FOXO1: variants seen among roughly 807,000 people sequenced by gnomAD.
The protein encoded by FOXO1 is forkhead box O1.
In FOXO1, 6 loss-of-function variants were observed where a neutral mutation model predicts 44.1. The ratio of observed to expected loss-of-function variants is 0.14; its 90% CI spans 0.07 to 0.27. The LOEUF (loss-of-function observed/expected upper bound fraction) is 0.27. FOXO1 is among the 10% of genes least tolerant of loss of function. The probability of loss-of-function intolerance (pLI) is 1.00; values close to 1 mark genes in which losing one functional copy is unlikely to be tolerated. For synonymous variants in FOXO1, 380 were observed against 362.7 expected (o/e 1.05, Z -0.54); for missense variants, 737 against 888.8 (o/e 0.83, Z 2.17).
At chr13:40,582,651 C>T (rs1050462023) in intron 1 of FOXO1, among the ~76,000 whole-genome samples, 8 of 152,168 alleles carry the variant, frequency 5.3e-5, no homozygotes, top group Non-Finnish European at 1.0e-4. Context: ...TTTGCTCATC[C>T]GTAAGAAGCA....
At chr13:40,618,591 C>T in intron 1 of FOXO1, 1 of 300,178 alleles carries the variant, frequency 3.3e-6, no homozygotes, top group Non-Finnish European at 6.5e-6. Flanking sequence ...GTAGTTAAAA[C>T]TAAGAACCCT....
At chr13:40,594,529 A>G (rs1274686976) in intron 1 of FOXO1, among the ~76,000 whole-genome samples, 1 of 152,210 alleles carries the variant, frequency 6.6e-6, no homozygotes, top group African/African-American at 2.4e-5. Context: ...TTAATTAACA[A>G]AAACAAACGT....
chr13:40,620,296 G>C (rs1369915799), intron 1 of FOXO1: 3 of 1,019,768 alleles, frequency 2.9e-6, no homozygotes, highest in Admixed American at 3.4e-5. Context: ...AACTCATCCA[G>C]AGTAGGGCTA....
intron 1 of FOXO1, among the ~76,000 whole-genome samples, chr13:40,616,299 C>T (rs988387352): frequency 6.6e-5 from 10 of 151,280 alleles, no homozygotes; most frequent in African/African-American, 2.2e-4. Context: ...AATTAAAACG[C>T]AAAAAAAGAA....
chr13:40,643,361 A>G (rs1877414612), intron 1 of FOXO1, among the ~76,000 whole-genome samples: 1 of 151,868 alleles, frequency 6.6e-6, no homozygotes. Context: ...AAAAAAAAAA[A>G]AAGAAAAGAA....
chr13:40,621,154 A>T, intron 1 of FOXO1: 1 of 486,844 alleles, frequency 2.1e-6, no homozygotes, highest in South Asian at 2.1e-5. Flanking sequence ...GCGCTAGAGC[A>T]TAACAGTATT....
At chr13:40,608,786 T>C (rs1302045284) in intron 1 of FOXO1, among the ~76,000 whole-genome samples, 2 of 152,214 alleles carry the variant, frequency 1.3e-5, no homozygotes, top group Admixed American at 1.3e-4. Context: ...TGGCAACAAA[T>C]GTTATCCTTT....
At chr13:40,663,800 TG>T (rs1401974635) in intron 1 of FOXO1, among the ~76,000 whole-genome samples, 1 of 152,228 alleles carries the variant, frequency 6.6e-6, no homozygotes, top group Non-Finnish European at 1.5e-5. Flanking sequence ...AAATGAATCT[TG>T]AATTCCTTCT....
intron 1 of FOXO1, among the ~76,000 whole-genome samples, chr13:40,572,497 G>GC (rs1176519561): frequency 6.6e-6 from 1 of 152,164 alleles, no homozygotes; most frequent in Non-Finnish European, 1.5e-5. Flanking sequence ...TACACTACCT[G>GC]CAATGTTGGG....
chr13:40,558,917 T>G lies in FOXO1; in HGVS notation c.*132A>C. 5.5e-6 allele frequency: 2 copies of G among 365,758 alleles called. No homozygotes were observed. Among genetic ancestry groups the G allele is most frequent in the Non-Finnish European group, 9.4e-6 (2 of 213,850 alleles). 22.7% of individuals were successfully genotyped at this position (365,758 alleles called of 1,614,324 possible). ...TCTGACGAAAGGAAAAAAGGAGGGT[T>G]TTTTTTTTTGTTTTTTTTTTTAACC... On this transcript the variant is annotated 3_prime_UTR_variant, in exon 3 of 3. Transcript: ENST00000379561.
intron 1 of FOXO1, among the ~76,000 whole-genome samples, chr13:40,649,867 C>T (rs1365514859): frequency 1.3e-5 from 2 of 152,132 alleles, no homozygotes; most frequent in Non-Finnish European, 2.9e-5. Flanking sequence ...ATAAAGCAAT[C>T]ACACCAAAGA....
intron 1 of FOXO1, among the ~76,000 whole-genome samples, chr13:40,585,257 A>T (rs1420009162): frequency 1.3e-5 from 2 of 152,152 alleles, no homozygotes; most frequent in Non-Finnish European, 2.9e-5. Context: ...TAAGAGAATA[A>T]GGAATGTCAA....
chr13:40,657,984 A>C (rs1262211781), intron 1 of FOXO1, among the ~76,000 whole-genome samples: 1 of 152,238 alleles, frequency 6.6e-6, no homozygotes, highest in East Asian at 1.9e-4. Context: ...ATCAAGAAAG[A>C]ATTTTTTTCC....
rs146985523 is a variant in FOXO1 at position 40,660,641 on chromosome 13, T to C, written c.630+4942A>G. On this transcript the variant is annotated intron_variant, in intron 1 of 2. Coordinates refer to ENST00000379561, the MANE Select transcript of FOXO1 (RefSeq NM_002015.4). ...GTATCGCCTCGGAGAAGATTCCTTG[T>C]GTGTGCGGAGCATGAAATCTATGTG... Among the ~76,000 whole-genome samples the C allele has an allele frequency of 3.3e-5, 5 of 152,338 alleles. No individual in the cohort carries two copies. The East Asian group carries it at 7.7e-4, about 24-fold the overall frequency.
intron 1 of FOXO1, among the ~76,000 whole-genome samples, chr13:40,653,040 G>A (rs917442751): frequency 3.3e-5 from 5 of 151,942 alleles, no homozygotes. Flanking sequence ...CACAATCTCG[G>A]CTCACTGTAA....
chr13:40,585,212 C>T (rs983132263), intron 1 of FOXO1, among the ~76,000 whole-genome samples: 18 of 152,168 alleles, frequency 1.2e-4, no homozygotes, highest in Non-Finnish European at 2.2e-4. Flanking sequence ...TTTAAGTCAT[C>T]ATTGTTTTTC....
At chr13:40,620,353 G>C (rs186400403) in intron 1 of FOXO1, 2 of 737,658 alleles carry the variant, frequency 2.7e-6, no homozygotes, top group East Asian at 2.7e-5. Context: ...GGCTTCTGCC[G>C]AATCATTTCT....
chr13:40,559,447 C>T, intron 2 of FOXO1, 62 bp downstream of exon 2: 1 of 1,444,308 alleles, frequency 6.9e-7, no homozygotes, highest in East Asian at 2.3e-5. Context: ...TGGCAAGTTA[C>T]TGTGTTCCTC....
chr13:40,618,063 G>A (rs1876485942), intron 1 of FOXO1, among the ~76,000 whole-genome samples: 1 of 152,100 alleles, frequency 6.6e-6, no homozygotes, highest in Non-Finnish European at 1.5e-5. Context: ...CCAGCGTACT[G>A]CAAGACCTGA....
Sources: gnomAD v4.1 joint callset for allele counts (sites outside exome capture counted in the v4.1 genomes callset) on GRCh38, gnomAD v4.1.1 for gene constraint, MANE v1.5 for transcripts, NCBI Gene and HGNC (gene_info 2026-07-23, HGNC 2026-07-21) for gene names.